The following CAMTA1 variants were observed in gnomAD, a reference collection of about 807,000 sequenced individuals.
CAMTA1 encodes the protein calmodulin binding transcription activator 1.
A neutral mutation model predicts 170.9 loss-of-function variants in CAMTA1; 27 were observed. The observed-to-expected ratio is 0.16, with a 90% CI of 0.12 to 0.22. The LOEUF (loss-of-function observed/expected upper bound fraction) is 0.22, where lower values mean the gene tolerates loss of function less well. Among genes scored for constraint, CAMTA1 ranks in the 10% least tolerant of loss-of-function variants. CAMTA1 has a pLI of 1.00. For missense variants in CAMTA1, 1,619 were observed against 2,217.2 expected, an observed-to-expected ratio of 0.73 and a Z score of 5.42; for synonymous variants, 833 against 891.5, an observed-to-expected ratio of 0.93 and a Z score of 1.17.
chr1:7,737,119 C>T, intron 14 of CAMTA1, 110 bp downstream of exon 14: 1 of 1,327,886 alleles, frequency 7.5e-7, no homozygotes, highest in Non-Finnish European at 1.1e-6. Context: ...TTCGGAGATA[C>T]TTTGGGATGG....
At chr1:7,528,368 T>G (rs1396252704) in intron 6 of CAMTA1, among the ~76,000 whole-genome samples, 2 of 152,134 alleles carry the variant, frequency 1.3e-5, no homozygotes, top group Non-Finnish European at 2.9e-5. Flanking sequence ...AGGAATAATT[T>G]TAAATTAAAA....
At chr1:7,364,447 C>CT (rs5772274) in intron 5 of CAMTA1, among the ~76,000 whole-genome samples, 61 of 144,436 alleles carry the variant, frequency 4.2e-4, no homozygotes, top group South Asian at 6.6e-4. Context: ...CCTTGTGACT[C>CT]TTTTTTTTTT....
intron 3 of CAMTA1, among the ~76,000 whole-genome samples, chr1:6,894,970 C>T (rs1361766937): frequency 6.6e-6 from 1 of 152,182 alleles, no homozygotes; most frequent in Admixed American, 6.5e-5. Flanking sequence ...GAGACCAAGA[C>T]TTTTCAGTAG....
chr1:7,522,170 T>A (rs930394454), intron 6 of CAMTA1, among the ~76,000 whole-genome samples: 11 of 152,210 alleles, frequency 7.2e-5, no homozygotes, highest in African/African-American at 2.7e-4. Flanking sequence ...ATGTTGTCAC[T>A]ATTTTTTATT....
intron 3 of CAMTA1, among the ~76,000 whole-genome samples, chr1:7,061,134 T>C (rs957541804): frequency 1.3e-5 from 2 of 152,192 alleles, no homozygotes; most frequent in Non-Finnish European, 2.9e-5. Context: ...TGTGACAGTC[T>C]GGGAAAATCC....
chr1:7,013,478 G>C (rs1408349769), intron 3 of CAMTA1, among the ~76,000 whole-genome samples: 1 of 152,164 alleles, frequency 6.6e-6, no homozygotes, highest in Non-Finnish European at 1.5e-5. Flanking sequence ...CTCTCAAAGT[G>C]CTGGGATTAC....
At chr1:7,270,538 C>T (rs761683662) in intron 5 of CAMTA1, among the ~76,000 whole-genome samples, 19 of 152,138 alleles carry the variant, frequency 1.2e-4, no homozygotes, top group African/African-American at 1.9e-4. Context: ...TCAGGTGATC[C>T]GCCTGCCTTG....
At chr1:7,757,371 T>A (rs1174490376) in intron 22 of CAMTA1, among the ~76,000 whole-genome samples, 3 of 152,230 alleles carry the variant, frequency 2.0e-5, no homozygotes, top group Non-Finnish European at 4.4e-5. Flanking sequence ...AAATAGATAC[T>A]GGACTAGATT....
At chr1:6,823,142 A>G (rs1455835685) in intron 2 of CAMTA1, among the ~76,000 whole-genome samples, 1 of 152,130 alleles carries the variant, frequency 6.6e-6, no homozygotes, top group Non-Finnish European at 1.5e-5. Context: ...AGAATTGTAC[A>G]TATCATGGGG....
intron 3 of CAMTA1, among the ~76,000 whole-genome samples, chr1:6,849,873 A>G (rs796999980): frequency 9.5e-4 from 104 of 109,286 alleles, no homozygotes; most frequent in African/African-American, 2.9e-3. Flanking sequence ...CGTCTCTACT[A>G]AAAATACAAA....
At chr1:7,328,778 C>G (rs1269008081) in intron 5 of CAMTA1, among the ~76,000 whole-genome samples, 5 of 152,006 alleles carry the variant, frequency 3.3e-5, no homozygotes, top group Admixed American at 3.3e-4. Context: ...TCTAGAAGTT[C>G]TATTTACCTT....
At chr1:7,488,717 A>T (rs1015776113) in intron 6 of CAMTA1, among the ~76,000 whole-genome samples, 1 of 152,156 alleles carries the variant, frequency 6.6e-6, no homozygotes, top group Non-Finnish European at 1.5e-5. Flanking sequence ...ATGCATACAT[A>T]CCCATAGTAC....
chr1:6,935,159 G>A (rs114586739), intron 3 of CAMTA1, among the ~76,000 whole-genome samples: 2,568 of 152,220 alleles, frequency 0.017, 67 homozygotes, highest in African/African-American at 0.058. Flanking sequence ...TGGTTATCCC[G>A]TAGGTGTGGT....
At chr1:7,502,963 AAC>A (rs371771338) in intron 6 of CAMTA1, among the ~76,000 whole-genome samples, 6 of 151,778 alleles carry the variant, frequency 4.0e-5, no homozygotes, top group Non-Finnish European at 7.4e-5. Flanking sequence ...CTTGGAGGGA[AAC>A]ACACACTAGA....
At chr1:7,542,806 A>C (rs1231456727) in intron 6 of CAMTA1, among the ~76,000 whole-genome samples, 1 of 151,234 alleles carries the variant, frequency 6.6e-6, no homozygotes, top group Non-Finnish European at 1.5e-5. Context: ...CTAGGATTAC[A>C]GGTGTAAGCC....
chr1:6,917,461 T>C (rs970997595), intron 3 of CAMTA1, among the ~76,000 whole-genome samples: 16 of 150,706 alleles, frequency 1.1e-4, no homozygotes, highest in African/African-American at 3.4e-4. Flanking sequence ...AGGTGACAGT[T>C]GGCCCAGAGT....
intron 3 of CAMTA1, among the ~76,000 whole-genome samples, chr1:7,045,524 A>G (rs56311091): frequency 0.15 from 22,403 of 152,178 alleles, 2,300 homozygotes; most frequent in African/African-American, 0.29. Flanking sequence ...AACTTTATAT[A>G]TATCTACATT....
intron 2 of CAMTA1, among the ~76,000 whole-genome samples, chr1:6,821,177 AGTTTCT>A (rs2148462165): frequency 6.6e-6 from 1 of 152,310 alleles, no homozygotes; most frequent in South Asian, 2.1e-4. Context: ...AAAAGCTGTT[AGTTTCT>A]GTTTCTTTAA....
At chr1:7,616,832 CAG>C (rs1180539991) in intron 6 of CAMTA1, among the ~76,000 whole-genome samples, 2 of 152,192 alleles carry the variant, frequency 1.3e-5, no homozygotes, top group South Asian at 4.1e-4. Context: ...AGTAATAAAA[CAG>C]AGAGATATAC....
Sources: gnomAD v4.1 joint callset for allele counts (sites outside exome capture counted in the v4.1 genomes callset) on GRCh38, gnomAD v4.1.1 for gene constraint, MANE v1.5 for transcripts, NCBI Gene and HGNC (gene_info 2026-07-23, HGNC 2026-07-21) for gene names.